EPB41L5: variants seen among roughly 807,000 people sequenced by gnomAD.
EPB41L5 encodes band 4.1-like protein 5.
A neutral mutation model predicts 106.6 loss-of-function variants in EPB41L5; 55 were observed. That is an observed-to-expected ratio of 0.52 (90% confidence interval 0.42 to 0.65). EPB41L5 has a LOEUF of 0.65. EPB41L5 is among the 30% of genes least tolerant of loss of function. The pLI is 0.00. For missense variants in EPB41L5, 871 were observed against 882.1 expected (o/e 0.99, Z 0.16); for synonymous variants, 297 against 306.7 (o/e 0.97, Z 0.33).
chr2:120,063,890 C>T (rs1184298710), intron 3 of EPB41L5, among the ~76,000 whole-genome samples: 1 of 151,400 alleles, frequency 6.6e-6, no homozygotes, highest in Non-Finnish European at 1.5e-5. Flanking sequence ...TGCAGTGAGG[C>T]GAGATCGCGC....
At chr2:120,015,927 CATAAAA>C (rs1267991164) in intron 1 of EPB41L5, among the ~76,000 whole-genome samples, 1 of 131,202 alleles carries the variant, frequency 7.6e-6, no homozygotes. Flanking sequence ...AAAAAAAAAA[CATAAAA>C]ATAAAACAAC....
intron 3 of EPB41L5, among the ~76,000 whole-genome samples, chr2:120,069,080 A>C (rs796971541): frequency 3.9e-4 from 57 of 145,486 alleles, no homozygotes; most frequent in African/African-American, 1.5e-3. Context: ...GTGAGCCAAG[A>C]TCATGCCATT....
At chr2:120,024,944 G>C (rs1471330954) in intron 2 of EPB41L5, among the ~76,000 whole-genome samples, 2 of 152,178 alleles carry the variant, frequency 1.3e-5, no homozygotes, top group African/African-American at 4.8e-5. Context: ...ATGTTCATCA[G>C]GGATATTAGC....
intron 1 of EPB41L5, among the ~76,000 whole-genome samples, chr2:120,017,693 A>G (rs1002727951): frequency 9.2e-5 from 14 of 152,264 alleles, no homozygotes; most frequent in Admixed American, 9.2e-4. Context: ...TGTATGTAAT[A>G]GAATATTTGA....
chr2:120,131,188 C>G (rs1685670502), intron 17 of EPB41L5, among the ~76,000 whole-genome samples: 1 of 152,088 alleles, frequency 6.6e-6, no homozygotes, highest in African/African-American at 2.4e-5. Flanking sequence ...TTAGTTTGTT[C>G]CACATAAATT....
chr2:120,043,966 G>A (rs1679599705), intron 3 of EPB41L5, among the ~76,000 whole-genome samples: 1 of 151,856 alleles, frequency 6.6e-6, no homozygotes. Flanking sequence ...AGGCAATATT[G>A]CAAGACCCTG....
At chr2:120,052,793 A>G (rs1245338344) in intron 3 of EPB41L5, among the ~76,000 whole-genome samples, 1 of 152,212 alleles carries the variant, frequency 6.6e-6, no homozygotes, top group African/African-American at 2.4e-5. Context: ...GATTTAGGGA[A>G]TATGTGTTTA....
chr2:120,075,459 C>A lies in EPB41L5; in HGVS notation c.408-17C>A. On this transcript the variant is annotated splice_polypyrimidine_tract_variant and intron_variant, in intron 5 of 24. Coordinates refer to ENST00000263713, the MANE Select transcript of EPB41L5 (RefSeq NM_020909.4). The stretch of plus-strand genomic sequence containing the variant: ...ATTGTGCTGTTGGGTTAAATTTGTG[C>A]CTTTCATTTTTCTTAGGTATTTATT... 1.3e-6 allele frequency: 2 copies of A among 1,555,642 alleles called. No individual in the cohort carries two copies. Among genetic ancestry groups the A allele is most frequent in the Non-Finnish European group, 8.8e-7 (1 of 1,130,570 alleles).
At chr2:120,131,935 AT>A (rs1285896900) in intron 18 of EPB41L5, among the ~76,000 whole-genome samples, 2 of 151,302 alleles carry the variant, frequency 1.3e-5, no homozygotes, top group Admixed American at 6.6e-5. Flanking sequence ...TGATTTCATG[AT>A]TTAAAAAAAA....
chr2:120,168,046 T>C (rs766212343), intron 24 of EPB41L5, 39 bp downstream of exon 24: 1 of 1,601,560 alleles, frequency 6.2e-7, no homozygotes, highest in Admixed American at 1.7e-5. Flanking sequence ...CTTAGGCATC[T>C]GTTAGGAAGA....
chr2:120,080,912 G>A (rs558319142), intron 10 of EPB41L5, among the ~76,000 whole-genome samples: 12 of 152,210 alleles, frequency 7.9e-5, no homozygotes, highest in Admixed American at 3.9e-4. Flanking sequence ...CTTCTTTTGC[G>A]AAATGTCTGT....
At chr2:120,066,863 T>C (rs1309232710) in intron 3 of EPB41L5, among the ~76,000 whole-genome samples, 1 of 152,236 alleles carries the variant, frequency 6.6e-6, no homozygotes, top group African/African-American at 2.4e-5. Context: ...TAGGTATTTG[T>C]GTCAGTTAAG....
At chr2:120,130,307 T>C (rs1415537857) in intron 17 of EPB41L5, among the ~76,000 whole-genome samples, 1 of 152,212 alleles carries the variant, frequency 6.6e-6, no homozygotes, top group Non-Finnish European at 1.5e-5. Flanking sequence ...TAACATTTGC[T>C]CAAAATCAAT....
At chr2:120,059,722 G>C (rs1680897944) in intron 3 of EPB41L5, among the ~76,000 whole-genome samples, 1 of 152,010 alleles carries the variant, frequency 6.6e-6, no homozygotes, top group Non-Finnish European at 1.5e-5. Flanking sequence ...GGACAACATA[G>C]TGAGACCTTG....
chr2:120,071,965 A>G (rs1681900416), intron 3 of EPB41L5, among the ~76,000 whole-genome samples: 1 of 152,232 alleles, frequency 6.6e-6, no homozygotes, highest in African/African-American at 2.4e-5. Flanking sequence ...TGCACAGTAA[A>G]AGAAACTATC....
At chr2:120,040,511 G>C (rs1369909416) in intron 2 of EPB41L5, among the ~76,000 whole-genome samples, 4 of 152,110 alleles carry the variant, frequency 2.6e-5, no homozygotes, top group Non-Finnish European at 5.9e-5. Flanking sequence ...AATATAGAAG[G>C]CCAAAGCCTT....
At chr2:120,139,890 C>T (rs1443169287) in intron 18 of EPB41L5, among the ~76,000 whole-genome samples, 3 of 152,144 alleles carry the variant, frequency 2.0e-5, no homozygotes, top group African/African-American at 7.2e-5. Context: ...GCACTGTTCA[C>T]AGTAGCCAAG....
intron 16 of EPB41L5, among the ~76,000 whole-genome samples, chr2:120,113,240 T>C (rs1406604153): frequency 1.3e-5 from 2 of 152,248 alleles, no homozygotes; most frequent in Non-Finnish European, 2.9e-5. Context: ...ATGTATATAT[T>C]AGTAAGTGCA....
chr2:120,160,692 C>T, intron 20 of EPB41L5, 189 bp from the exon 21 acceptor site: 1 of 545,138 alleles, frequency 1.8e-6, no homozygotes, highest in Non-Finnish European at 3.3e-6. Context: ...ATTAAAAAAC[C>T]ATTTTAACTG....
Sources: gnomAD v4.1 joint callset for allele counts (sites outside exome capture counted in the v4.1 genomes callset) on GRCh38, gnomAD v4.1.1 for gene constraint, MANE v1.5 for transcripts, NCBI Gene and HGNC (gene_info 2026-07-23, HGNC 2026-07-21) for gene names.